HDGFL3: variants seen among roughly 807,000 people sequenced by gnomAD.
The protein encoded by HDGFL3 is hepatoma-derived growth factor-related protein 3.
In HDGFL3, 6 loss-of-function variants were observed where a neutral mutation model predicts 27.6. The observed-to-expected ratio is 0.22, with a 90% CI of 0.12 to 0.43. The LOEUF (loss-of-function observed/expected upper bound fraction) is 0.43, where lower values mean the gene tolerates loss of function less well. Ranked by LOEUF, HDGFL3 falls within the 20% of genes least tolerant of loss-of-function variation. The pLI is 1.00. For missense variants in HDGFL3, 207 were observed against 250.1 expected (o/e 0.83, Z 1.16); for synonymous variants, 88 against 88.9 (o/e 0.99, Z 0.05).
chr15:83,165,811 A>G (rs1596554908), intron 1 of HDGFL3, among the ~76,000 whole-genome samples: 2 of 150,404 alleles, frequency 1.3e-5, no homozygotes, highest in African/African-American at 4.9e-5. Flanking sequence ...AAAAAAAAAA[A>G]AAAAAAAAAA....
At chr15:83,195,824 T>C (rs937649919) in intron 1 of HDGFL3, among the ~76,000 whole-genome samples, 4 of 152,108 alleles carry the variant, frequency 2.6e-5, no homozygotes, top group Admixed American at 6.5e-5. Context: ...AAGTTACATA[T>C]ACTTATATCT....
intron 1 of HDGFL3, among the ~76,000 whole-genome samples, chr15:83,199,884 T>C (rs1359271274): frequency 6.9e-6 from 1 of 144,374 alleles, no homozygotes; most frequent in African/African-American, 2.6e-5. Flanking sequence ...CTACTAAAAA[T>C]ACAAAAAAAA....
chr15:83,166,694 C>G (rs1211792077), intron 1 of HDGFL3, among the ~76,000 whole-genome samples: 3 of 152,132 alleles, frequency 2.0e-5, no homozygotes, highest in African/African-American at 4.8e-5. Context: ...CAGGGGACCT[C>G]AGGAAACTTA....
Position 83,207,321 on chromosome 15 carries a change from C to T in HDGFL3, c.84+10G>A, listed in dbSNP as rs774668760. 4 of 1,359,266 alleles carry T rather than the reference C, an allele frequency of 2.9e-6. No homozygotes were observed. The highest frequency in any genetic ancestry group is 2.9e-6 in the Non-Finnish European group (3 of 1,050,956). 84.2% of individuals were successfully genotyped at this position (1,359,266 alleles called of 1,614,324 possible). ...GGGCGGGCGGGCCCGCGCGCGGCCGCGGTACTCACCCGGGCCGGCCAGTGC... is the reference window on the plus strand; with the variant it reads ...GGGCGGGCGGGCCCGCGCGCGGCCGTGGTACTCACCCGGGCCGGCCAGTGC... On this transcript the variant is annotated intron_variant, in intron 1 of 5. Coordinates refer to ENST00000299633, the MANE Select transcript of HDGFL3 (RefSeq NM_016073.4). The surrounding 1 kb of genome is among the most constrained non-coding windows in gnomAD (Gnocchi z 4.8).
downstream of HDGFL3, chr15:83,123,016 T>C: frequency 1.1e-6 from 1 of 919,658 alleles, no homozygotes; most frequent in Non-Finnish European, 1.6e-6. Flanking sequence ...TTTGATTATG[T>C]AGCATTAGCT....
downstream of HDGFL3, chr15:83,124,567 C>T: frequency 1.2e-6 from 1 of 815,254 alleles, no homozygotes; most frequent in Non-Finnish European, 2.0e-6. Flanking sequence ...ATAAATTGTG[C>T]ATCTTCAAAA....
intron 1 of HDGFL3, among the ~76,000 whole-genome samples, chr15:83,204,335 T>C (rs2037689701): frequency 6.6e-6 from 1 of 151,982 alleles, no homozygotes; most frequent in Non-Finnish European, 1.5e-5. Context: ...AAATTTTACC[T>C]CAAAAGAGAA....
chr15:83,189,524 A>T (rs1204905278), intron 1 of HDGFL3: 2 of 152,218 alleles, frequency 1.3e-5, no homozygotes, highest in Non-Finnish European at 2.9e-5. Flanking sequence ...TTCCTTTATT[A>T]TACAGAAACA....
At chr15:83,155,263 T>C (rs1035952874) in intron 4 of HDGFL3, among the ~76,000 whole-genome samples, 3 of 152,262 alleles carry the variant, frequency 2.0e-5, no homozygotes, top group Non-Finnish European at 2.9e-5. Flanking sequence ...GCTAAGTGTG[T>C]CTTTACCCTT....
In HDGFL3 at chr15:83,167,637, C is replaced by T. The variant is rs151173432; in HGVS notation, c.85-3562G>A. On this transcript the variant is annotated intron_variant, in intron 1 of 5. Coordinates refer to ENST00000299633, the MANE Select transcript of HDGFL3 (RefSeq NM_016073.4). The stretch of plus-strand genomic sequence containing the variant: ...AACTCAACAAGAAGGTTTAACCATT[C>T]GAAATATGTACATGCCCAACATTGG... Among the ~76,000 whole-genome samples the T allele has an allele frequency of 1.0e-3, 153 of 151,642 alleles. 2 individuals carry two copies. In the East Asian group the frequency reaches 0.024, roughly 24 times the overall value.
Position 83,200,332 on chromosome 15 carries a change from C to T in HDGFL3, c.84+6999G>A, listed in dbSNP as rs1195748526. Among the ~76,000 whole-genome samples, 8 of 149,382 alleles carry T rather than the reference C, an allele frequency of 5.4e-5. No individual in the cohort carries two copies. In the East Asian group the frequency reaches 9.7e-4, roughly 18 times the overall value. On this transcript the variant is annotated intron_variant, in intron 1 of 5. Coordinates refer to ENST00000299633, the MANE Select transcript of HDGFL3 (RefSeq NM_016073.4). ...CCTTCATGACAGAGCAAGACTCCAT[C>T]TCAAAAAAAAAAAAGAAAGAAAAAA...
At chr15:83,157,733 A>G (rs1489924090) in intron 3 of HDGFL3, among the ~76,000 whole-genome samples, 160 bp from the exon 4 acceptor site, 4 of 152,236 alleles carry the variant, frequency 2.6e-5, no homozygotes, top group African/African-American at 9.6e-5. Context: ...TGGACACTTG[A>G]TTTGAACCCT....
intron 3 of HDGFL3, among the ~76,000 whole-genome samples, chr15:83,120,984 G>A (rs1423393626): frequency 6.6e-6 from 1 of 152,034 alleles, no homozygotes; most frequent in Non-Finnish European, 1.5e-5. Flanking sequence ...CAGTATTCTC[G>A]TTTCCCTTCA....
intron 5 of HDGFL3, among the ~76,000 whole-genome samples, chr15:83,149,017 C>T (rs1028257991): frequency 7.9e-5 from 12 of 152,008 alleles, no homozygotes; most frequent in Non-Finnish European, 1.5e-5. Context: ...GGTAGGGTCA[C>T]TTTATAGCTT....
chr15:83,165,794 CAAAAAAAAAAA>C (rs57873221), intron 1 of HDGFL3, among the ~76,000 whole-genome samples: 2 of 13,842 alleles, frequency 1.4e-4, no homozygotes, highest in East Asian at 1.8e-3. Context: ...GAATCCATCT[CAAAAAAAAAAA>C]AAAAAAAAAA....
chr15:83,202,039 G>A (rs1368070210), intron 1 of HDGFL3, among the ~76,000 whole-genome samples: 1 of 152,122 alleles, frequency 6.6e-6, no homozygotes, highest in Admixed American at 6.5e-5. Flanking sequence ...ATGTGGCCTG[G>A]TCTCCAGAAA....
chr15:83,150,127 G>C (rs371928007), intron 5 of HDGFL3, among the ~76,000 whole-genome samples: 26 of 152,230 alleles, frequency 1.7e-4, no homozygotes, highest in Non-Finnish European at 2.5e-4. Context: ...GAGTATTAAG[G>C]GGGTAGGACA....
chr15:83,139,305 A>G (rs758765205), intron 5 of HDGFL3, 30 bp from the exon 6 acceptor site: 1 of 1,377,680 alleles, frequency 7.3e-7, no homozygotes, highest in Non-Finnish European at 9.8e-7. Flanking sequence ...AAAGAAAACA[A>G]GCCTTTAGAT....
chr15:83,170,254 T>A (rs2037229666), intron 1 of HDGFL3, among the ~76,000 whole-genome samples: 1 of 152,156 alleles, frequency 6.6e-6, no homozygotes, highest in East Asian at 1.9e-4. Context: ...GGAACCTGAA[T>A]AACCAAAGCA....
Sources: allele counts gnomAD v4.1 joint callset (sites outside exome capture counted in the v4.1 genomes callset), GRCh38; gene constraint gnomAD v4.1.1; non-coding constraint Gnocchi (gnomAD v3.1); transcripts MANE v1.5; gene names NCBI Gene and HGNC (gene_info 2026-07-23, HGNC 2026-07-21).